The following ZFAND3 variants were observed in gnomAD, a reference collection of about 807,000 sequenced individuals.
The protein encoded by ZFAND3 is zinc finger AN1-type containing 3.
ZFAND3 carries 10 observed loss-of-function variants against 29.6 expected under a neutral mutation model. The ratio of observed to expected loss-of-function variants is 0.34; its 90% CI spans 0.21 to 0.57. ZFAND3 has a LOEUF of 0.57. Among genes scored for constraint, ZFAND3 ranks in the 20% least tolerant of loss-of-function variants. The probability of loss-of-function intolerance (pLI) is 0.86; values close to 1 mark genes in which losing one functional copy is unlikely to be tolerated. For synonymous variants in ZFAND3, 128 were observed against 112.6 expected (o/e 1.14, Z -0.87); for missense variants, 230 against 304.5 (o/e 0.76, Z 1.82).
intron 1 of ZFAND3, among the ~76,000 whole-genome samples, chr6:37,889,994 G>A (rs1765063773): frequency 6.6e-6 from 1 of 152,048 alleles, no homozygotes; most frequent in Non-Finnish European, 1.5e-5. Flanking sequence ...TTTCATTTGA[G>A]CAACTAGGCT....
chr6:37,865,177 C>CA (rs1196566541), intron 1 of ZFAND3, among the ~76,000 whole-genome samples: 6 of 151,248 alleles, frequency 4.0e-5, no homozygotes, highest in African/African-American at 9.7e-5. Flanking sequence ...CACTTCGTCT[C>CA]AAAAAAAATA....
intron 2 of ZFAND3, among the ~76,000 whole-genome samples, chr6:37,946,864 C>T (rs1290906943): frequency 6.6e-6 from 1 of 151,918 alleles, no homozygotes; most frequent in Non-Finnish European, 1.5e-5. Flanking sequence ...TGGTGGTTTC[C>T]AGGGGCTAGA....
At chr6:38,122,570 G>A (rs912756926) in intron 5 of ZFAND3, among the ~76,000 whole-genome samples, 13 of 152,142 alleles carry the variant, frequency 8.5e-5, no homozygotes, top group African/African-American at 2.9e-4. Flanking sequence ...AGTGGTGGGG[G>A]GAGGATTTGG....
At chr6:38,098,798 G>A (rs1305223358) in intron 4 of ZFAND3, among the ~76,000 whole-genome samples, 5 of 152,126 alleles carry the variant, frequency 3.3e-5, no homozygotes, top group Admixed American at 6.5e-5. Flanking sequence ...CACCGAGCCC[G>A]GCCTATCTTA....
intron 1 of ZFAND3, among the ~76,000 whole-genome samples, chr6:37,836,334 A>G (rs921441384): frequency 6.6e-6 from 1 of 152,202 alleles, no homozygotes; most frequent in Non-Finnish European, 1.5e-5. Flanking sequence ...GTATAGAGTG[A>G]AAAGATAACT....
chr6:37,912,407 T>C (rs1012242418), intron 1 of ZFAND3, among the ~76,000 whole-genome samples: 7 of 152,140 alleles, frequency 4.6e-5, no homozygotes, highest in African/African-American at 1.4e-4. Context: ...CGAATATACA[T>C]ATGGCATTTA....
intron 1 of ZFAND3, among the ~76,000 whole-genome samples, chr6:37,853,412 G>GGAAAAA (rs71542141): frequency 1.5e-5 from 1 of 65,878 alleles, no homozygotes; most frequent in Non-Finnish European, 3.3e-5. Flanking sequence ...TGAGCCTCAA[G>GGAAAAA]AAAAAAAAAA....
rs1181295021 is a variant in ZFAND3, at chr6:37,819,921, C to T, written c.-25C>T. On this transcript the variant is annotated 5_prime_UTR_variant, in exon 1 of 6. Coordinates refer to ENST00000287218, the MANE Select transcript of ZFAND3 (RefSeq NM_021943.3). ...CCAGCCGCCGCCACCGCTGCCGCCGCCGAGCTCCGCCGCCGCCGAGCACCA... is the reference window on the plus strand; with the variant it reads ...CCAGCCGCCGCCACCGCTGCCGCCGTCGAGCTCCGCCGCCGCCGAGCACCA... 3.3e-6 allele frequency: 4 copies of T among 1,206,460 alleles called. No homozygotes were observed. The highest frequency in any genetic ancestry group is 4.1e-6 in the Non-Finnish European group (4 of 973,196). 74.7% of individuals were successfully genotyped at this position (1,206,460 alleles called of 1,614,324 possible).
intron 1 of ZFAND3, among the ~76,000 whole-genome samples, chr6:37,821,506 T>C (rs1009507249): frequency 6.6e-6 from 1 of 152,226 alleles, no homozygotes; most frequent in Non-Finnish European, 1.5e-5. Context: ...CTGGGGAAAC[T>C]GAGGCTTTGG....
chr6:38,144,213 TATATAATATATA>T (rs1766046487), intron 5 of ZFAND3, among the ~76,000 whole-genome samples: 2 of 55,358 alleles, frequency 3.6e-5, no homozygotes, highest in South Asian at 9.2e-4. Context: ...ATATATATAA[TATATAATATATA>T]TATATATTTT....
intron 1 of ZFAND3, among the ~76,000 whole-genome samples, chr6:37,898,321 A>G (rs1001432209): frequency 1.3e-5 from 2 of 152,144 alleles, no homozygotes; most frequent in African/African-American, 4.8e-5. Context: ...AGCCACATGC[A>G]GGTCTGTTTC....
At chr6:37,874,434 G>C (rs781508599) in intron 1 of ZFAND3, among the ~76,000 whole-genome samples, 4 of 144,946 alleles carry the variant, frequency 2.8e-5, no homozygotes, top group Non-Finnish European at 6.0e-5. Context: ...AGAATCACTT[G>C]AACCCGGGAG....
intron 5 of ZFAND3, among the ~76,000 whole-genome samples, chr6:38,131,667 T>C (rs1392461628): frequency 6.6e-6 from 1 of 152,234 alleles, no homozygotes; most frequent in African/African-American, 2.4e-5. Flanking sequence ...GTTGTCCCCT[T>C]CCTTGCCAGA....
intron 3 of ZFAND3, among the ~76,000 whole-genome samples, chr6:38,066,063 T>A (rs561349513): frequency 6.6e-6 from 1 of 152,328 alleles, no homozygotes; most frequent in African/African-American, 2.4e-5. Flanking sequence ...GGGAAGTAGC[T>A]AGTAGTGGTT....
chr6:37,944,670 G>A (rs1185895380), intron 2 of ZFAND3, among the ~76,000 whole-genome samples: 2 of 152,066 alleles, frequency 1.3e-5, no homozygotes, highest in South Asian at 4.1e-4. Flanking sequence ...ATATAACTTG[G>A]GTAGCAATTT....
intron 1 of ZFAND3, among the ~76,000 whole-genome samples, chr6:37,873,345 C>T (rs1002338197): frequency 6.6e-6 from 1 of 152,132 alleles, no homozygotes; most frequent in African/African-American, 2.4e-5. Context: ...GTGCTACCCC[C>T]TAGGGTTTGG....
chr6:38,114,016 C>T (rs958714168), intron 4 of ZFAND3, among the ~76,000 whole-genome samples: 6 of 152,218 alleles, frequency 3.9e-5, no homozygotes, highest in Non-Finnish European at 8.8e-5. Flanking sequence ...TAGAGGTGTG[C>T]TGGCATTGTG....
intron 2 of ZFAND3, among the ~76,000 whole-genome samples, chr6:37,956,172 AAAAT>A (rs1335095049): frequency 6.6e-6 from 1 of 152,098 alleles, no homozygotes; most frequent in Non-Finnish European, 1.5e-5. Flanking sequence ...TTTGAAAAAC[AAAAT>A]AATAGAGTTG....
chr6:37,827,707 C>G (rs1487881446), intron 1 of ZFAND3, among the ~76,000 whole-genome samples: 1 of 152,180 alleles, frequency 6.6e-6, no homozygotes, highest in African/African-American at 2.4e-5. Flanking sequence ...GTGCCAGGCA[C>G]CTGAAGTTTT....
Sources: gnomAD v4.1 joint callset for allele counts (sites outside exome capture counted in the v4.1 genomes callset) on GRCh38, gnomAD v4.1.1 for gene constraint, MANE v1.5 for transcripts, NCBI Gene and HGNC (gene_info 2026-07-23, HGNC 2026-07-21) for gene names.